Variants in FAM168A observed in about 807,000 individuals in gnomAD.
The protein encoded by FAM168A is protein FAM168A.
Under a neutral mutation model 28.5 loss-of-function variants are expected in FAM168A, and 3 were observed. The observed-to-expected ratio is 0.11, with a 90% confidence interval of 0.05 to 0.27. The LOEUF (loss-of-function observed/expected upper bound fraction) is 0.27, where lower values mean the gene tolerates loss of function less well. FAM168A is among the 10% of genes least tolerant of loss of function. The probability of loss-of-function intolerance (pLI) is 1.00; values close to 1 mark genes in which losing one functional copy is unlikely to be tolerated. For missense variants in FAM168A, 222 were observed against 311.5 expected (o/e 0.71, Z 2.16); for synonymous variants, 122 against 124.2 (o/e 0.98, Z 0.12).
rs71065011 is a variant in FAM168A, at chr11:73,496,873, T to TCACACACACACACACA, written c.-18-28397_-18-28382dup. The stretch of plus-strand genomic sequence containing the variant: ...CTGCACCCAGCCCTGTATGTTCTTA[T>TCACACACACACACACA]CACACACACACACACACACACACAC... On this transcript the variant is annotated intron_variant, in intron 1 of 7. Transcript: ENST00000356467. Among the ~76,000 whole-genome samples, 643 of 140,196 alleles carry TCACACACACACACACA rather than the reference T, an allele frequency of 4.6e-3. 6 individuals are homozygous for TCACACACACACACACA. Among genetic ancestry groups the TCACACACACACACACA allele is most frequent in the African/African-American group, 0.017 (621 of 36,848 alleles). The allele number at this position is 140,196 out of a possible 152,430, so 92.0% of individuals were successfully genotyped here.
Position 73,567,371 on chromosome 11 carries a change from G to A in FAM168A, c.-19+30552C>T, listed in dbSNP as rs1944032922. ...GAGTTCGGTTTTGAGCCAGACTTGT[G>A]ACTTTAAACCAGTCACTTGATACCT... On this transcript the variant is annotated intron_variant, in intron 1 of 7. Coordinates refer to ENST00000356467, the MANE Select transcript of FAM168A (RefSeq NM_015159.3). Among the ~76,000 whole-genome samples, 4 of 152,158 alleles carry A rather than the reference G, an allele frequency of 2.6e-5. No individual in the cohort carries two copies. The South Asian group carries it at 8.3e-4, about 32-fold the overall frequency.
chr11:73,544,852 T>TATTA (rs1434806256), intron 1 of FAM168A, among the ~76,000 whole-genome samples: 19 of 90,666 alleles, frequency 2.1e-4, no homozygotes, highest in African/African-American at 1.3e-3. Context: ...ATTAAATATA[T>TATTA]AATATATAAT....
chr11:73,544,666 A>T (rs1424689700), intron 1 of FAM168A, among the ~76,000 whole-genome samples: 1 of 133,430 alleles, frequency 7.5e-6, no homozygotes, highest in African/African-American at 2.8e-5. Flanking sequence ...TACATATATT[A>T]TATATAATTA....
chr11:73,532,856 C>T (rs1456330722), intron 1 of FAM168A, among the ~76,000 whole-genome samples: 1 of 152,220 alleles, frequency 6.6e-6, no homozygotes, highest in African/African-American at 2.4e-5. Flanking sequence ...ACTGTCATGC[C>T]TTATTTTTTC....
At chr11:73,425,879 C>A (rs764567555) in intron 3 of FAM168A, among the ~76,000 whole-genome samples, 11 of 152,224 alleles carry the variant, frequency 7.2e-5, no homozygotes, top group Admixed American at 3.3e-4. Context: ...TAACTTTGGG[C>A]AACTTATTTA....
At chr11:73,526,878 A>C (rs2134658652) in intron 1 of FAM168A, among the ~76,000 whole-genome samples, 1 of 151,376 alleles carries the variant, frequency 6.6e-6, no homozygotes, top group African/African-American at 2.4e-5. Flanking sequence ...CAAAAAAAAA[A>C]AAAAAAAAAA....
At chr11:73,589,118 G>C (rs1186015676) in intron 1 of FAM168A, among the ~76,000 whole-genome samples, 1 of 152,150 alleles carries the variant, frequency 6.6e-6, no homozygotes, top group Non-Finnish European at 1.5e-5. Flanking sequence ...ATGGCATTTT[G>C]GTATGGCAGC....
At chr11:73,429,504 T>C (rs1785812388) in intron 3 of FAM168A, among the ~76,000 whole-genome samples, 2 of 152,226 alleles carry the variant, frequency 1.3e-5, no homozygotes, top group African/African-American at 4.8e-5. Flanking sequence ...CAGATTCATC[T>C]AGCTGCTCAC....
intron 1 of FAM168A, among the ~76,000 whole-genome samples, chr11:73,517,876 C>T (rs1291278823): frequency 6.6e-6 from 1 of 152,058 alleles, no homozygotes; most frequent in Admixed American, 6.6e-5. Context: ...GTCCTTTCAG[C>T]GTTATGTCAC....
At chr11:73,456,548 G>GA (rs111692966) in intron 2 of FAM168A, among the ~76,000 whole-genome samples, 72 of 148,276 alleles carry the variant, frequency 4.9e-4, no homozygotes, top group African/African-American at 1.1e-3. Context: ...GCCAGAAAAA[G>GA]AAAAAAAAAA....
chr11:73,597,233 C>G (rs765390241), intron 1 of FAM168A, among the ~76,000 whole-genome samples: 3 of 152,100 alleles, frequency 2.0e-5, no homozygotes, highest in East Asian at 1.9e-4. Context: ...CAGCCCACCC[C>G]AGGAAACCCC....
intron 1 of FAM168A, among the ~76,000 whole-genome samples, chr11:73,524,851 C>T (rs905107798): frequency 5.3e-5 from 8 of 152,130 alleles, no homozygotes; most frequent in African/African-American, 1.7e-4. Flanking sequence ...CCACCTGCCT[C>T]GGCCTCACAA....
At chr11:73,535,488 C>T (rs1479071626) in intron 1 of FAM168A, among the ~76,000 whole-genome samples, 1 of 149,596 alleles carries the variant, frequency 6.7e-6, no homozygotes, top group Non-Finnish European at 1.5e-5. Context: ...GTGTAATCTG[C>T]AGCTCACTGC....
chr11:73,511,334 T>C (rs1025628203), intron 1 of FAM168A, among the ~76,000 whole-genome samples: 2 of 151,994 alleles, frequency 1.3e-5, no homozygotes, highest in African/African-American at 4.8e-5. Flanking sequence ...CCTCCTGGGT[T>C]CCCGCCATTC....
chr11:73,451,638 C>G lies in FAM168A; in HGVS notation c.70+16767G>C, dbSNP rs146794941. 3.8e-3 allele frequency among the ~76,000 whole-genome samples: 578 copies of G among 152,334 alleles called. 5 individuals are homozygous for G. Among genetic ancestry groups the G allele is most frequent in the Non-Finnish European group, 6.3e-3 (426 of 68,034 alleles). ...TGTACCTTTTCTATGTTTAGATACA[C>G]AAACAACCATTGTGTTACAATTGCC... On this transcript the variant is annotated intron_variant, in intron 2 of 7. Coordinates refer to ENST00000356467, the MANE Select transcript of FAM168A (RefSeq NM_015159.3).
At chr11:73,431,756 A>AT (rs35898448) in intron 2 of FAM168A, among the ~76,000 whole-genome samples, 4,496 of 152,096 alleles carry the variant, frequency 0.03, 218 homozygotes, top group African/African-American at 0.1. Context: ...ATTTTTTGAA[A>AT]TTTTTTTTAT....
intron 1 of FAM168A, among the ~76,000 whole-genome samples, chr11:73,541,725 T>C (rs994159657): frequency 5.3e-5 from 8 of 152,144 alleles, no homozygotes; most frequent in East Asian, 1.9e-4. Flanking sequence ...CTAGGTCCCA[T>C]AGATTTGTTA....
intron 2 of FAM168A, among the ~76,000 whole-genome samples, chr11:73,446,675 T>C (rs537325487): frequency 5.3e-4 from 80 of 152,326 alleles, no homozygotes; most frequent in South Asian, 2.3e-3. Context: ...ATTCCACAAA[T>C]ATTGAATGCC....
At chr11:73,406,953 CTA>C in intron 7 of FAM168A, among the ~76,000 whole-genome samples, 1 of 152,162 alleles carries the variant, frequency 6.6e-6, no homozygotes, top group Non-Finnish European at 1.5e-5. Flanking sequence ...CCCTGGAGCC[CTA>C]TGGTTCACTG....
Sources: gnomAD v4.1 joint callset for allele counts (sites outside exome capture counted in the v4.1 genomes callset) on GRCh38, gnomAD v4.1.1 for gene constraint, MANE v1.5 for transcripts, NCBI Gene and HGNC (gene_info 2026-07-23, HGNC 2026-07-21) for gene names.